Variants in LHFPL3 observed in about 807,000 individuals in gnomAD.
LHFPL3 encodes LHFPL tetraspan subfamily member 3 protein.
LHFPL3 carries 5 observed loss-of-function variants against 19.3 expected under a neutral mutation model. The observed-to-expected ratio is 0.26, with a 90% CI of 0.14 to 0.54. The LOEUF is 0.54. Ranked by LOEUF, LHFPL3 falls within the 20% of genes least tolerant of loss-of-function variation. LHFPL3 has a pLI of 0.94. For missense variants in LHFPL3, 249 were observed against 307.4 expected (o/e 0.81, Z 1.42); for synonymous variants, 133 against 126.2 (o/e 1.05, Z -0.36).
At chr7:104,513,559 A>G (rs954958366) in intron 1 of LHFPL3, among the ~76,000 whole-genome samples, 1 of 152,226 alleles carries the variant, frequency 6.6e-6, no homozygotes, top group Non-Finnish European at 1.5e-5. Flanking sequence ...AAGTTATAAC[A>G]TAGGGGAGAT....
chr7:104,802,559 T>C (rs1182551337), intron 2 of LHFPL3, among the ~76,000 whole-genome samples: 1 of 149,320 alleles, frequency 6.7e-6, no homozygotes, highest in Non-Finnish European at 1.5e-5. Context: ...CCTTCCACCA[T>C]GTGAGGACAG....
At chr7:104,518,079 A>G (rs1351377559) in intron 1 of LHFPL3, among the ~76,000 whole-genome samples, 1 of 152,192 alleles carries the variant, frequency 6.6e-6, no homozygotes. Flanking sequence ...AATAAGTAGT[A>G]TTAGTCTAGG....
intron 1 of LHFPL3, among the ~76,000 whole-genome samples, chr7:104,440,321 A>G (rs1792198719): frequency 6.6e-6 from 1 of 151,916 alleles, no homozygotes; most frequent in Admixed American, 6.6e-5. Context: ...AGAACAAAAA[A>G]CCAAACACTG....
intron 2 of LHFPL3, among the ~76,000 whole-genome samples, chr7:104,781,738 G>C (rs1037881109): frequency 6.6e-6 from 1 of 152,088 alleles, no homozygotes; most frequent in African/African-American, 2.4e-5. Flanking sequence ...TAAATCGAAA[G>C]GATACTGTTC....
chr7:104,850,968 G>A (rs930703284), intron 2 of LHFPL3, among the ~76,000 whole-genome samples: 2 of 152,160 alleles, frequency 1.3e-5, no homozygotes, highest in Admixed American at 6.5e-5. Flanking sequence ...AGGTACTTCT[G>A]ATGTGGGAGA....
intron 1 of LHFPL3, among the ~76,000 whole-genome samples, chr7:104,573,334 C>T (rs754094204): frequency 1.3e-4 from 19 of 150,954 alleles, no homozygotes; most frequent in Non-Finnish European, 2.4e-4. Context: ...ATCACTTGAA[C>T]CTGGGAGGCG....
intron 2 of LHFPL3, among the ~76,000 whole-genome samples, chr7:104,882,145 G>A (rs1239295567): frequency 6.6e-6 from 1 of 152,162 alleles, no homozygotes; most frequent in Non-Finnish European, 1.5e-5. Context: ...AATAAAAAAG[G>A]ATGAAGTACT....
intron 1 of LHFPL3, among the ~76,000 whole-genome samples, chr7:104,394,746 G>A: frequency 6.6e-6 from 1 of 151,436 alleles, no homozygotes; most frequent in Non-Finnish European, 1.5e-5. Context: ...TGTTGTTCAG[G>A]CTTGAGTGCA....
At chr7:104,647,054 A>G (rs1452270389) in intron 1 of LHFPL3, among the ~76,000 whole-genome samples, 2 of 152,214 alleles carry the variant, frequency 1.3e-5, no homozygotes, top group Non-Finnish European at 2.9e-5. Flanking sequence ...AATACCTTGG[A>G]TACCCCAGGA....
intron 2 of LHFPL3, among the ~76,000 whole-genome samples, chr7:104,829,768 G>C (rs2116553837): frequency 6.6e-6 from 1 of 152,036 alleles, no homozygotes; most frequent in East Asian, 1.9e-4. Flanking sequence ...CTTTGCTATT[G>C]TGAATAGTGC....
intron 1 of LHFPL3, among the ~76,000 whole-genome samples, chr7:104,585,490 C>CACACACACACAT (rs140189734): frequency 6.7e-6 from 1 of 149,254 alleles, no homozygotes; most frequent in Non-Finnish European, 1.5e-5. Context: ...AACACACACA[C>CACACACACACAT]ACACACACAC....
intron 1 of LHFPL3, among the ~76,000 whole-genome samples, chr7:104,349,823 T>C (rs2116386280): frequency 6.6e-6 from 1 of 152,382 alleles, no homozygotes; most frequent in Middle Eastern, 3.4e-3. Flanking sequence ...CATCACATAA[T>C]TTGCTATAAC....
At chr7:104,773,525 G>A (rs1196993382) in intron 2 of LHFPL3, among the ~76,000 whole-genome samples, 5 of 152,136 alleles carry the variant, frequency 3.3e-5, no homozygotes, top group South Asian at 2.1e-4. Flanking sequence ...ACTATCCCTC[G>A]TGCTATGGGT....
intron 1 of LHFPL3, among the ~76,000 whole-genome samples, chr7:104,466,787 A>C (rs562177590): frequency 6.6e-6 from 1 of 152,354 alleles, no homozygotes; most frequent in Admixed American, 6.5e-5. Context: ...GAATCAAATG[A>C]AACCATGCTG....
intron 2 of LHFPL3, among the ~76,000 whole-genome samples, chr7:104,757,099 C>G (rs915308759): frequency 1.3e-5 from 2 of 152,082 alleles, no homozygotes; most frequent in South Asian, 4.1e-4. Context: ...CAAAAATAAG[C>G]AATGAAGAAA....
At chr7:104,821,011 C>A (rs1388654797) in intron 2 of LHFPL3, among the ~76,000 whole-genome samples, 12 of 152,144 alleles carry the variant, frequency 7.9e-5, no homozygotes. Flanking sequence ...CTTTAACTGC[C>A]TTCCAAGAGG....
intron 1 of LHFPL3, among the ~76,000 whole-genome samples, chr7:104,661,669 T>C (rs1562960375): frequency 6.6e-6 from 1 of 152,238 alleles, no homozygotes; most frequent in Non-Finnish European, 1.5e-5. Flanking sequence ...AAAGGTTGCC[T>C]GAAGCCATGG....
chr7:104,425,383 A>G (rs1483802987), intron 1 of LHFPL3, among the ~76,000 whole-genome samples: 1 of 152,152 alleles, frequency 6.6e-6, no homozygotes, highest in African/African-American at 2.4e-5. Context: ...TCTTATCTGC[A>G]AAAGTTAGAT....
At chr7:104,612,172 T>G (rs1477829870) in intron 1 of LHFPL3, among the ~76,000 whole-genome samples, 1 of 152,228 alleles carries the variant, frequency 6.6e-6, no homozygotes, top group African/African-American at 2.4e-5. Flanking sequence ...ATTAAGAACA[T>G]AGACATCGTC....
Sources: allele counts gnomAD v4.1 joint callset (sites outside exome capture counted in the v4.1 genomes callset), GRCh38; gene constraint gnomAD v4.1.1; transcripts MANE v1.5; gene names NCBI Gene and HGNC (gene_info 2026-07-23, HGNC 2026-07-21).